The following PCDH15 variants were observed in gnomAD, a reference collection of about 807,000 sequenced individuals.
The protein encoded by PCDH15 is protocadherin related 15, also known as protocadherin-15.
Under a neutral mutation model 178.5 loss-of-function variants are expected in PCDH15, and 129 were observed. That is an observed-to-expected ratio of 0.72 (90% CI 0.63 to 0.84). The LOEUF (loss-of-function observed/expected upper bound fraction) is 0.84, where lower values mean the gene tolerates loss of function less well. Ranked by LOEUF, PCDH15 falls within the 40% of genes least tolerant of loss-of-function variation. The pLI, the probability that PCDH15 is intolerant of heterozygous loss-of-function variation, is 0.00. For synonymous variants in PCDH15, 800 were observed against 732.0 expected (o/e 1.09, Z -1.50); for missense variants, 2,230 against 2,099.9 (o/e 1.06, Z -1.21).
At chr10:55,252,754 G>C (rs1841872361) in intron 1 of PCDH15, among the ~76,000 whole-genome samples, 1 of 151,742 alleles carries the variant, frequency 6.6e-6, no homozygotes, top group African/African-American at 2.4e-5. Flanking sequence ...CCTCAGAAAA[G>C]GTAAAAGTCA....
chr10:55,227,145 AAAC>A (rs1235826087), intron 1 of PCDH15, among the ~76,000 whole-genome samples: 2 of 152,112 alleles, frequency 1.3e-5, no homozygotes, highest in Admixed American at 6.5e-5. Context: ...TGAAATTTCA[AAAC>A]ATCATAGAGC....
rs745592049 is a variant in PCDH15 at position 54,195,142 on chromosome 10, T to G, written c.1305+541A>C. On this transcript the variant is annotated intron_variant, in intron 11 of 37. Transcript: ENST00000644397. ...TTCTGATTTGCTCAGCCTGGACCATTTCCCACTCATGTAGATAGTGTGAGT... is the reference window on the plus strand; with the variant it reads ...TTCTGATTTGCTCAGCCTGGACCATGTCCCACTCATGTAGATAGTGTGAGT... 2.6e-5 allele frequency among the ~76,000 whole-genome samples: 4 copies of G among 152,186 alleles called. No individual in the cohort carries two copies. The East Asian group carries it at 7.7e-4, about 29-fold the overall frequency.
chr10:54,911,031 C>A (rs182801907), intron 2 of PCDH15, among the ~76,000 whole-genome samples: 1 of 152,178 alleles, frequency 6.6e-6, no homozygotes, highest in African/African-American at 2.4e-5. Flanking sequence ...AGATGGTTGA[C>A]AAGAATGGAA....
intron 3 of PCDH15, among the ~76,000 whole-genome samples, chr10:54,893,909 G>C (rs989750518): frequency 1.3e-5 from 2 of 152,052 alleles, no homozygotes; most frequent in Non-Finnish European, 2.9e-5. Flanking sequence ...TTGTGGATAG[G>C]TCAAACATTT....
At position 54,796,794 on chromosome 10, in the gene PCDH15, C is replaced by T. The variant is rs567672419; in HGVS notation, c.-29+4131G>A. Among the ~76,000 whole-genome samples the T allele has an allele frequency of 1.5e-3, 227 of 152,036 alleles. 3 individuals carry two copies. The highest frequency in any genetic ancestry group is 5.1e-3 in the African/African-American group (210 of 41,512). ...CTTATCTGTGTCTGTCTCTGTCTCT[C>T]GGACAGAGATGTAAGATTCTAAAGT... On this transcript the variant is annotated intron_variant, in intron 1 of 37. Transcript: ENST00000644397.
At chr10:55,520,237 T>G (rs1347923386) in intron 2 of PCDH15, among the ~76,000 whole-genome samples, 1 of 82,542 alleles carries the variant, frequency 1.2e-5, no homozygotes, top group South Asian at 4.7e-4. Flanking sequence ...TGTGTATATA[T>G]ATATACACGC....
At chr10:55,360,061 T>C (rs538295868) in intron 2 of PCDH15, among the ~76,000 whole-genome samples, 2 of 152,068 alleles carry the variant, frequency 1.3e-5, no homozygotes, top group South Asian at 4.1e-4. Flanking sequence ...TCTAGAGATC[T>C]ATCAATAGTA....
intron 23 of PCDH15, among the ~76,000 whole-genome samples, chr10:53,950,213 TTATAG>T (rs1426987470): frequency 6.6e-6 from 1 of 151,994 alleles, no homozygotes; most frequent in African/African-American, 2.4e-5. Flanking sequence ...TGAAAAGGAC[TTATAG>T]TATATTCTCT....
intron 2 of PCDH15, among the ~76,000 whole-genome samples, chr10:54,963,985 T>C (rs1254764509): frequency 6.6e-6 from 1 of 152,038 alleles, no homozygotes; most frequent in African/African-American, 2.4e-5. Context: ...GGAATGTAAC[T>C]ACATGTGGGG....
In PCDH15 at chr10:55,128,955, T is replaced by G. The variant is rs1042458039; in HGVS notation, c.-80+37621A>C. ...CAGGAAGAAAGGACAGAAAGGATTA[T>G]CCACATCAGTAGCCATGATCTGTAC... On this transcript the variant is annotated intron_variant, in intron 2 of 5. Transcript: ENST00000458638. 2.6e-5 allele frequency among the ~76,000 whole-genome samples: 4 copies of G among 152,062 alleles called. No homozygotes were observed. The East Asian group carries it at 7.7e-4, about 29-fold the overall frequency.
At chr10:53,899,307 C>T (rs1476346501) in intron 26 of PCDH15, among the ~76,000 whole-genome samples, 3 of 151,944 alleles carry the variant, frequency 2.0e-5, no homozygotes, top group Non-Finnish European at 4.4e-5. Context: ...TATACCACTT[C>T]AGAGCAGATA....
chr10:54,215,821 C>T (rs1330384151), intron 9 of PCDH15, among the ~76,000 whole-genome samples: 1 of 151,660 alleles, frequency 6.6e-6, no homozygotes, highest in African/African-American at 2.4e-5. Context: ...ACGGGCGGAT[C>T]ACGAGGTCAG....
chr10:54,397,042 A>G (rs1454502104), intron 3 of PCDH15, among the ~76,000 whole-genome samples: 1 of 152,120 alleles, frequency 6.6e-6, no homozygotes, highest in Non-Finnish European at 1.5e-5. Flanking sequence ...CTGAATTGCA[A>G]TAAAGTCAAA....
In PCDH15 at chr10:55,078,432, T is replaced by C. The variant is rs778715716; in HGVS notation, c.-80+88144A>G. Among the ~76,000 whole-genome samples, 3 of 152,278 alleles carry C rather than the reference T, an allele frequency of 2.0e-5. No homozygotes were observed. The South Asian group carries it at 6.2e-4, about 32-fold the overall frequency. On this transcript the variant is annotated intron_variant, in intron 2 of 5. Coordinates refer to the PCDH15 transcript ENST00000458638. Reference sequence around the variant, plus strand: ...TTTCCAACTTTTTCATTCTTCATCCTCTGAAATACTGATAATTTGTATATG... The same window carrying C: ...TTTCCAACTTTTTCATTCTTCATCCCCTGAAATACTGATAATTTGTATATG...
intron 3 of PCDH15, among the ~76,000 whole-genome samples, chr10:54,380,675 C>CATATATATAT (rs1218220837): frequency 6.6e-4 from 19 of 28,696 alleles, no homozygotes; most frequent in East Asian, 2.1e-3. Flanking sequence ...ATATATGCTC[C>CATATATATAT]ATATATATAT....
chr10:54,095,067 C>T (rs1227330111), intron 15 of PCDH15, among the ~76,000 whole-genome samples: 1 of 152,140 alleles, frequency 6.6e-6, no homozygotes, highest in Non-Finnish European at 1.5e-5. Flanking sequence ...CTACACATTT[C>T]ACAGGACATT....
intron 2 of PCDH15, among the ~76,000 whole-genome samples, chr10:55,058,931 C>T (rs762851186): frequency 2.6e-5 from 4 of 152,150 alleles, no homozygotes; most frequent in Admixed American, 6.5e-5. Context: ...TCTATGAGAA[C>T]ATTTCAGTTG....
At chr10:54,430,242 G>C (rs957128687) in intron 3 of PCDH15, among the ~76,000 whole-genome samples, 1 of 151,662 alleles carries the variant, frequency 6.6e-6, no homozygotes, top group African/African-American at 2.4e-5. Context: ...TTTTAGTAGA[G>C]ACCGGGTTTC....
intron 2 of PCDH15, among the ~76,000 whole-genome samples, chr10:54,653,675 T>A (rs2094312775): frequency 6.6e-6 from 1 of 152,198 alleles, no homozygotes; most frequent in Non-Finnish European, 1.5e-5. Context: ...TGTATGATCA[T>A]CATTGCTGCA....
Sources: gnomAD v4.1 joint callset for allele counts (sites outside exome capture counted in the v4.1 genomes callset) on GRCh38, gnomAD v4.1.1 for gene constraint, MANE v1.5 for transcripts, NCBI Gene and HGNC (gene_info 2026-07-23, HGNC 2026-07-21) for gene names.